NUP210L: variants seen among roughly 807,000 people sequenced by gnomAD.
The protein encoded by NUP210L is nuclear pore membrane glycoprotein 210-like.
Under a neutral mutation model 208.5 loss-of-function variants are expected in NUP210L, and 74 were observed. That is an observed-to-expected ratio of 0.35 (90% CI 0.29 to 0.43). NUP210L has a LOEUF of 0.43. NUP210L is among the 20% of genes least tolerant of loss of function. NUP210L has a pLI of 1.00. For synonymous variants in NUP210L, 780 were observed against 816.9 expected (o/e 0.95, Z 0.77); for missense variants, 1,843 against 2,289.4 (o/e 0.81, Z 3.98).
chr1:154,060,432 A>G, intron 20 of NUP210L, 108 bp downstream of exon 20: 1 of 698,072 alleles, frequency 1.4e-6, no homozygotes, highest in South Asian at 2.1e-5. Context: ...AAAGAAAGGA[A>G]AATGTTACTT....
At chr1:154,019,903 G>T (rs1651459918) in intron 32 of NUP210L, among the ~76,000 whole-genome samples, 1 of 152,162 alleles carries the variant, frequency 6.6e-6, no homozygotes, top group Admixed American at 6.6e-5. Context: ...TCCAGCCTGG[G>T]TGATAAGAGT....
Position 154,025,055 on chromosome 1 carries a change from A to G in NUP210L, c.4122+487T>C, listed in dbSNP as rs533433402. On this transcript the variant is annotated intron_variant, in intron 30 of 39. Coordinates refer to ENST00000368559, the Ensembl canonical transcript of NUP210L. ...GGCATTCTCCTGCCTCAGCCTCCTG[A>G]GTAGCTGGGACTACAGGCGCCCGCC... is the stretch of plus-strand genomic sequence containing the variant. Among the ~76,000 whole-genome samples the G allele has an allele frequency of 6.0e-5, 9 of 149,174 alleles. No homozygotes were observed. In the South Asian group the frequency reaches 1.9e-3, roughly 32 times the overall value.
At chr1:154,002,334 C>A (rs1441007201) in intron 35 of NUP210L, among the ~76,000 whole-genome samples, 1 of 152,070 alleles carries the variant, frequency 6.6e-6, no homozygotes, top group Non-Finnish European at 1.5e-5. Flanking sequence ...CCCACCTCAG[C>A]CTCCCGAGTA....
At chr1:154,060,676 C>T (rs372600959) in intron 19 of NUP210L, 35 bp from the exon 20 acceptor site, 533 of 1,406,700 alleles carry the variant, frequency 3.8e-4, no homozygotes, top group Non-Finnish European at 5.1e-4. Flanking sequence ...ATTCTGTTTG[C>T]TTCAGTTTAT....
chr1:154,067,695 C>T (rs1654487371), intron 17 of NUP210L, among the ~76,000 whole-genome samples: 1 of 152,080 alleles, frequency 6.6e-6, no homozygotes, highest in Admixed American at 6.6e-5. Context: ...TTTAGAAAAC[C>T]CCATCATCTC....
chr1:154,023,188 T>C, exon 31 of NUP210L: 1 of 1,614,018 alleles, frequency 6.2e-7, no homozygotes. Flanking sequence ...ATTATAAAAC[T>C]GAACAGTGAA....
At chr1:154,141,062 C>G (rs1392293461) in intron 4 of NUP210L, among the ~76,000 whole-genome samples, 3 of 149,488 alleles carry the variant, frequency 2.0e-5, no homozygotes, top group Non-Finnish European at 3.0e-5. Context: ...GGGAGTAAAA[C>G]TTGGATCTGA....
At chr1:154,112,657 T>A (rs1657099623) in intron 12 of NUP210L, among the ~76,000 whole-genome samples, 1 of 150,956 alleles carries the variant, frequency 6.6e-6, no homozygotes. Context: ...GGAGTTCAAG[T>A]CCACCCTGGG....
At chr1:154,099,249 G>A (rs1304541401) in intron 14 of NUP210L, among the ~76,000 whole-genome samples, 2 of 152,252 alleles carry the variant, frequency 1.3e-5, no homozygotes, top group East Asian at 1.9e-4. Flanking sequence ...CTGCCTGCTC[G>A]GTGGAGCAGG....
At chr1:154,104,463 C>T (rs1656640706) in intron 12 of NUP210L, 1 of 441,732 alleles carries the variant, frequency 2.3e-6, no homozygotes, top group Non-Finnish European at 4.1e-6. Context: ...GAATTGCCAA[C>T]ATCACCTCTC....
rs1656392975 is a variant in NUP210L, at chr1:154,100,283, C to T, written c.1820-140G>A. 4.4e-6 allele frequency: 3 copies of T among 686,158 alleles called. No homozygotes were observed. The South Asian group carries it at 5.4e-5, about 12-fold the overall frequency. The allele number at this position is 686,158 out of a possible 1,614,324, so 42.5% of individuals were successfully genotyped here. On this transcript the variant is annotated intron_variant, in intron 13 of 39. Coordinates refer to ENST00000368559, the Ensembl canonical transcript of NUP210L. ...TGAAAAACATGGTGAAACCCCGTGTCTACAAAATATTTAAAAAATTAGCCA... is the reference window on the plus strand; with the variant it reads ...TGAAAAACATGGTGAAACCCCGTGTTTACAAAATATTTAAAAAATTAGCCA...
intron 30 of NUP210L, 71 bp downstream of exon 30, chr1:154,025,471 G>T: frequency 4.0e-6 from 4 of 1,004,878 alleles, no homozygotes; most frequent in East Asian, 3.7e-5. Context: ...TTTTAAAAAA[G>T]AAACTCTGCT....
intron 7 of NUP210L, among the ~76,000 whole-genome samples, chr1:154,135,310 A>C (rs1658476894): frequency 6.6e-6 from 1 of 152,190 alleles, no homozygotes; most frequent in Admixed American, 6.6e-5. Flanking sequence ...GTAGATCCCA[A>C]GTTCCAACTA....
At chr1:154,131,136 G>A (rs1391646305) in intron 7 of NUP210L, among the ~76,000 whole-genome samples, 4 of 151,798 alleles carry the variant, frequency 2.6e-5, no homozygotes, top group African/African-American at 9.7e-5. Flanking sequence ...GCCAGGCGTG[G>A]TGGCAGGCGC....
chr1:154,037,504 CTCT>C (rs1478011394), intron 27 of NUP210L, among the ~76,000 whole-genome samples: 1 of 152,022 alleles, frequency 6.6e-6, no homozygotes, highest in Non-Finnish European at 1.5e-5. Context: ...ACCATTCCTG[CTCT>C]TTTTTGGTGC....
At chr1:154,012,494 A>C (rs1650982896) in intron 33 of NUP210L, 124 bp from the exon 34 acceptor site, 503 of 847,180 alleles carry the variant, frequency 5.9e-4, no homozygotes, top group Non-Finnish European at 8.0e-4. Flanking sequence ...ATTCCATCTC[A>C]TGACCACATA....
chr1:154,137,056 A>G (rs1050974104), intron 6 of NUP210L, among the ~76,000 whole-genome samples: 19 of 152,054 alleles, frequency 1.2e-4, no homozygotes, highest in African/African-American at 4.6e-4. Context: ...CCCTTCTGGT[A>G]AAGTGTCTTA....
At chr1:154,127,512 C>T in intron 8 of NUP210L, 95 bp from the exon 9 acceptor site, 1 of 447,516 alleles carries the variant, frequency 2.2e-6, no homozygotes, top group East Asian at 3.8e-5. Flanking sequence ...GTTCAAACAG[C>T]AAAATTTACT....
rs188175729 is a variant in NUP210L, at chr1:154,042,082, G to A, written c.3696+3987C>T. ...GAAATCTACCCATTGGAGCAAGAAG[G>A]CCTTTCCCTCTCTCTCTCTCTCTTT... On this transcript the variant is annotated intron_variant, in intron 27 of 39. Transcript: ENST00000368559. Among the ~76,000 whole-genome samples, 60 of 151,814 alleles carry A rather than the reference G, an allele frequency of 4.0e-4. 2 individuals are homozygous for A. In the East Asian group the frequency reaches 0.01, roughly 26 times the overall value.
Sources: allele counts gnomAD v4.1 joint callset (sites outside exome capture counted in the v4.1 genomes callset), GRCh38; gene constraint gnomAD v4.1.1; transcripts MANE v1.5; gene names NCBI Gene and HGNC (gene_info 2026-07-23, HGNC 2026-07-21).